The following ACVR1 variants were observed in gnomAD, a reference collection of about 807,000 sequenced individuals.
ACVR1 encodes activin A receptor type 1.
In ACVR1, 38 loss-of-function variants were observed where a neutral mutation model predicts 57.1. The observed-to-expected ratio is 0.67, with a 90% confidence interval of 0.51 to 0.87. ACVR1 has a LOEUF of 0.87. Among genes scored for constraint, ACVR1 ranks in the 40% least tolerant of loss-of-function variants. ACVR1 has a pLI of 0.00. For synonymous variants in ACVR1, 212 were observed against 228.1 expected (o/e 0.93, Z 0.63); for missense variants, 463 against 638.2 (o/e 0.73, Z 2.96).
At chr2:157,814,945 C>T (rs980186667) in intron 2 of ACVR1, among the ~76,000 whole-genome samples, 7 of 151,986 alleles carry the variant, frequency 4.6e-5, no homozygotes, top group South Asian at 2.1e-4. Context: ...ATTAGCAGGG[C>T]GTGGTGGCGG....
At position 157,778,279 on chromosome 2, in the gene ACVR1, A is replaced by G. The variant is rs74905152; in HGVS notation, c.395T>C (p.Val132Ala). The part of the protein sequence containing the change: ...LEVGLIILSV[V>A]FAVCLLACLL... ...GCAGGCTAAAAGACATACTGCGAAC[A>G]CTACAGAGAGAATAATGAGGCCAAC... Residue 132 changes from valine to alanine, a missense_variant, in exon 5 of 11, where the codon GTG becomes GCG. Coordinates refer to ENST00000434821, the MANE Select transcript of ACVR1 (RefSeq NM_001111067.4). 4.3e-6 allele frequency: 7 copies of G among 1,613,982 alleles called. No homozygotes were observed. The East Asian group carries it at 1.1e-4, about 26-fold the overall frequency.
At chr2:157,745,464 GA>G (rs1684931436) in intron 9 of ACVR1, among the ~76,000 whole-genome samples, 1 of 152,164 alleles carries the variant, frequency 6.6e-6, no homozygotes, top group Non-Finnish European at 1.5e-5. Flanking sequence ...GTGTGTCAAG[GA>G]AAAGAGACTA....
chr2:157,858,791 A>AT (rs1356403746), intron 1 of ACVR1, among the ~76,000 whole-genome samples: 2 of 151,830 alleles, frequency 1.3e-5, no homozygotes, highest in Admixed American at 6.6e-5. Context: ...CCTATTTTTA[A>AT]TTTTTTTAAT....
intron 6 of ACVR1, among the ~76,000 whole-genome samples, chr2:157,771,679 G>A (rs2105267954): frequency 6.6e-6 from 1 of 152,282 alleles, no homozygotes; most frequent in South Asian, 2.1e-4. Context: ...GAGAGAAGCA[G>A]TTCTGTCCAG....
intron 6 of ACVR1, 72 bp downstream of exon 6, chr2:157,774,016 G>C: frequency 7.4e-7 from 1 of 1,354,780 alleles, no homozygotes; most frequent in South Asian, 1.2e-5. Flanking sequence ...GATTTTCCAA[G>C]TTCCATCTTT....
chr2:157,740,248 T>C (rs1267376389), intron 9 of ACVR1, among the ~76,000 whole-genome samples: 1 of 151,996 alleles, frequency 6.6e-6, no homozygotes, highest in East Asian at 1.9e-4. Context: ...GCATTTGAAA[T>C]GCATATCAGT....
At chr2:157,869,672 T>C (rs1234977017) in intron 1 of ACVR1, among the ~76,000 whole-genome samples, 10 of 152,250 alleles carry the variant, frequency 6.6e-5, no homozygotes, top group African/African-American at 2.4e-5. Context: ...TTTATGTTTA[T>C]ATAAAGTAAT....
chr2:157,844,757 A>G (rs1245129312), intron 1 of ACVR1, among the ~76,000 whole-genome samples: 1 of 152,110 alleles, frequency 6.6e-6, no homozygotes, highest in Admixed American at 6.5e-5. Flanking sequence ...GAATTCATAC[A>G]TTGGAACCTA....
At chr2:157,817,797 G>C (rs576835175) in intron 2 of ACVR1, among the ~76,000 whole-genome samples, 22 of 152,154 alleles carry the variant, frequency 1.4e-4, no homozygotes, top group African/African-American at 5.1e-4. Context: ...TCAGGAGTTC[G>C]AGACCAGCCT....
At chr2:157,784,175 A>G (rs973730662) in intron 3 of ACVR1, among the ~76,000 whole-genome samples, 3 of 152,050 alleles carry the variant, frequency 2.0e-5, no homozygotes, top group Admixed American at 6.5e-5. Context: ...TGGGCCTGTG[A>G]TATTTTATTT....
At chr2:157,762,598 A>G (rs922673196) in intron 8 of ACVR1, among the ~76,000 whole-genome samples, 2 of 152,224 alleles carry the variant, frequency 1.3e-5, no homozygotes, top group East Asian at 3.8e-4. Flanking sequence ...ACTTGTGGAC[A>G]TATTTTAAAG....
chr2:157,801,869 C>A (rs1366677026), intron 2 of ACVR1, among the ~76,000 whole-genome samples: 1 of 152,144 alleles, frequency 6.6e-6, no homozygotes, highest in Non-Finnish European at 1.5e-5. Context: ...TCTGAATTCC[C>A]AGTCCTTCAT....
At position 157,836,668 on chromosome 2, in the gene ACVR1, CAGA is replaced by C. The variant is rs948169735; in HGVS notation, c.-182-18112_-182-18110del. Among the ~76,000 whole-genome samples, 15 of 152,296 alleles carry C rather than the reference CAGA, an allele frequency of 9.8e-5. 1 individual carries two copies. Among genetic ancestry groups the C allele is most frequent in the Admixed American group, 7.8e-4 (12 of 15,290 alleles). ...GGAAATCATCACCACCTTCTGACAG[CAGA>C]AGGACTTTGTCCTCTTTAGCACTGA... On this transcript the variant is annotated intron_variant, in intron 1 of 10. Coordinates refer to ENST00000434821, the MANE Select transcript of ACVR1 (RefSeq NM_001111067.4).
At chr2:157,799,176 G>T (rs1015114879) in intron 3 of ACVR1, among the ~76,000 whole-genome samples, 1 of 152,078 alleles carries the variant, frequency 6.6e-6, no homozygotes, top group Non-Finnish European at 1.5e-5. Flanking sequence ...GATTACAGGC[G>T]TGAGGCACCA....
In ACVR1 at chr2:157,780,609, G is replaced by C. The variant is rs1316720258; in HGVS notation, c.68-9C>G. 6 of 1,610,658 alleles carry C rather than the reference G, an allele frequency of 3.7e-6. No homozygotes were observed. The highest frequency in any genetic ancestry group is 5.1e-6 in the Non-Finnish European group (6 of 1,178,614). On this transcript the variant is annotated splice_polypyrimidine_tract_variant and intron_variant, in intron 3 of 10. Coordinates refer to ENST00000434821, the MANE Select transcript of ACVR1 (RefSeq NM_001111067.4). ...GACCTTGGGCTTCTCATCTGCAAAG[G>C]AGAGAAAGGAAGGGGAAAAAAAAAA... is the stretch of plus-strand genomic sequence containing the variant.
At chr2:157,762,029 C>T (rs1685678312) in intron 8 of ACVR1, among the ~76,000 whole-genome samples, 1 of 152,146 alleles carries the variant, frequency 6.6e-6, no homozygotes, top group African/African-American at 2.4e-5. Context: ...AGGGAGCTAG[C>T]ACACCTTATC....
At chr2:157,849,284 C>T (rs1036533718) in intron 1 of ACVR1, among the ~76,000 whole-genome samples, 3 of 152,144 alleles carry the variant, frequency 2.0e-5, no homozygotes, top group African/African-American at 7.2e-5. Context: ...ACAAACAGTT[C>T]GTTGGACAAG....
chr2:157,800,999 C>T (rs1687304306), intron 2 of ACVR1, among the ~76,000 whole-genome samples: 1 of 152,130 alleles, frequency 6.6e-6, no homozygotes, highest in Non-Finnish European at 1.5e-5. Flanking sequence ...CAGCCCCCGG[C>T]ATGGAATCAT....
chr2:157,849,555 T>G (rs1373294057), intron 1 of ACVR1, among the ~76,000 whole-genome samples: 8 of 152,242 alleles, frequency 5.3e-5, no homozygotes, highest in African/African-American at 1.9e-4. Context: ...CTAGCAAGTT[T>G]AGCAGTACTA....
Sources: allele counts gnomAD v4.1 joint callset (sites outside exome capture counted in the v4.1 genomes callset), GRCh38; gene constraint gnomAD v4.1.1; transcripts MANE v1.5; gene names NCBI Gene and HGNC (gene_info 2026-07-23, HGNC 2026-07-21).